JAZF1: variants seen among roughly 807,000 people sequenced by gnomAD.
JAZF1 encodes the protein JAZF zinc finger 1.
Under a neutral mutation model 26.4 loss-of-function variants are expected in JAZF1, and 8 were observed. The observed-to-expected ratio is 0.30, with a 90% CI of 0.18 to 0.55. JAZF1 has a LOEUF of 0.55. Among genes scored for constraint, JAZF1 ranks in the 20% least tolerant of loss-of-function variants. The pLI is 0.94. For synonymous variants in JAZF1, 126 were observed against 122.3 expected, an observed-to-expected ratio of 1.03 and a Z score of -0.20; for missense variants, 199 against 322.0, an observed-to-expected ratio of 0.62 and a Z score of 2.92.
chr7:28,063,236 A>G (rs1207322820), intron 1 of JAZF1, among the ~76,000 whole-genome samples: 1 of 152,254 alleles, frequency 6.6e-6, no homozygotes, highest in Non-Finnish European at 1.5e-5. Context: ...AAAACATTTT[A>G]ACAAGAATTT....
intron 1 of JAZF1, among the ~76,000 whole-genome samples, chr7:27,999,748 C>T (rs1276363582): frequency 6.6e-6 from 1 of 152,126 alleles, no homozygotes; most frequent in Non-Finnish European, 1.5e-5. Flanking sequence ...ATGATGAATA[C>T]ATGAATGAAT....
chr7:27,978,924 G>C (rs1423263270), intron 2 of JAZF1, among the ~76,000 whole-genome samples: 1 of 151,266 alleles, frequency 6.6e-6, no homozygotes, highest in Non-Finnish European at 1.5e-5. Context: ...GGGAGAGGGG[G>C]AGAGAGAGAG....
At chr7:27,964,731 C>T (rs1310015549) in intron 2 of JAZF1, among the ~76,000 whole-genome samples, 2 of 150,972 alleles carry the variant, frequency 1.3e-5, no homozygotes, top group Non-Finnish European at 2.9e-5. Context: ...GAAAAAAGAA[C>T]CAACATATTT....
intron 3 of JAZF1, among the ~76,000 whole-genome samples, chr7:27,888,416 A>AT (rs1298210552): frequency 1.3e-5 from 2 of 151,580 alleles, no homozygotes; most frequent in Admixed American, 6.6e-5. Flanking sequence ...TCTGTCTGGG[A>AT]TTTTTTGTCC....
In JAZF1 at chr7:27,987,306, G is replaced by A. The variant is rs562200270; in HGVS notation, c.188+4603C>T. 2.3e-3 allele frequency among the ~76,000 whole-genome samples: 318 copies of A among 137,372 alleles called. 2 individuals carry two copies. The highest frequency in any genetic ancestry group is 8.0e-3 in the African/African-American group (288 of 35,808). The allele number at this position is 137,372 out of a possible 152,430, so 90.1% of individuals were successfully genotyped here. On this transcript the variant is annotated intron_variant, in intron 2 of 4. Coordinates refer to ENST00000283928, the MANE Select transcript of JAZF1 (RefSeq NM_175061.4). ...GTGAGGAGTGCCTCTGCCCGGCTGCGACCCCGTCTGGGATCTGAGGAGTGT... is the reference window on the plus strand; with the variant it reads ...GTGAGGAGTGCCTCTGCCCGGCTGCAACCCCGTCTGGGATCTGAGGAGTGT...
intron 1 of JAZF1, among the ~76,000 whole-genome samples, chr7:28,066,273 G>A (rs1441117532): frequency 6.6e-6 from 1 of 152,088 alleles, no homozygotes; most frequent in Non-Finnish European, 1.5e-5. Context: ...AAAGGCTCCG[G>A]TACAGGCCAG....
intron 2 of JAZF1, among the ~76,000 whole-genome samples, chr7:27,957,732 T>C (rs550079567): frequency 2.6e-5 from 4 of 152,326 alleles, no homozygotes; most frequent in Non-Finnish European, 4.4e-5. Context: ...TTCTGAGGAT[T>C]TAATGACTTC....
intron 1 of JAZF1, among the ~76,000 whole-genome samples, chr7:28,125,772 T>A (rs188766520): frequency 6.6e-6 from 1 of 152,198 alleles, no homozygotes; most frequent in East Asian, 1.9e-4. Context: ...CCACCCTCAC[T>A]CAGTGCAAGC....
Position 27,831,625 on chromosome 7 carries a change from G to A in JAZF1, c.*1175C>T, listed in dbSNP as rs1583419738. Reference sequence around the variant, plus strand: ...GCTCATTTTCCTATTTCAGCAAAGTGTTTGTTTTATAAAGCTAAACAGACA... The same window carrying A: ...GCTCATTTTCCTATTTCAGCAAAGTATTTGTTTTATAAAGCTAAACAGACA... On this transcript the variant is annotated 3_prime_UTR_variant, in exon 5 of 5. Transcript: ENST00000283928. The A allele has an allele frequency of 7.5e-5, 17 of 225,674 alleles. No individual in the cohort carries two copies. The East Asian group carries it at 1.1e-3, about 14-fold the overall frequency. 14.0% of individuals were successfully genotyped at this position (225,674 alleles called of 1,614,324 possible).
intron 2 of JAZF1, among the ~76,000 whole-genome samples, chr7:27,926,533 T>G (rs185807455): frequency 2.6e-5 from 4 of 152,330 alleles, no homozygotes; most frequent in Admixed American, 2.6e-4. Flanking sequence ...GCTCTACTAA[T>G]TGGAAAAAGT....
chr7:28,119,595 C>T (rs138949534), intron 1 of JAZF1, among the ~76,000 whole-genome samples: 1 of 152,272 alleles, frequency 6.6e-6, no homozygotes, highest in Non-Finnish European at 1.5e-5. Flanking sequence ...TCTTAATTTG[C>T]TTCTTTATTC....
At chr7:28,164,162 T>C (rs1016879106) in intron 1 of JAZF1, among the ~76,000 whole-genome samples, 2 of 152,240 alleles carry the variant, frequency 1.3e-5, no homozygotes, top group African/African-American at 4.8e-5. Context: ...GCAGATTAGC[T>C]GACCAGCAGC....
At chr7:27,914,699 C>G (rs557393655) in intron 2 of JAZF1, 203 of 470,976 alleles carry the variant, frequency 4.3e-4, no homozygotes, top group Non-Finnish European at 5.3e-4. Flanking sequence ...ATAGATATAG[C>G]ACTTCTTCAG....
intron 1 of JAZF1, among the ~76,000 whole-genome samples, chr7:27,992,701 T>C (rs921697722): frequency 1.3e-5 from 2 of 152,212 alleles, no homozygotes; most frequent in Non-Finnish European, 2.9e-5. Context: ...GAAATGACTG[T>C]ATAAATATAT....
At chr7:28,147,094 C>A (rs1009497342) in intron 1 of JAZF1, among the ~76,000 whole-genome samples, 2 of 151,986 alleles carry the variant, frequency 1.3e-5, no homozygotes, top group African/African-American at 4.8e-5. Context: ...TGACCTCACA[C>A]CTCGGCCTCC....
At chr7:27,996,836 C>T (rs1356186074) in intron 1 of JAZF1, among the ~76,000 whole-genome samples, 2 of 152,198 alleles carry the variant, frequency 1.3e-5, no homozygotes, top group Non-Finnish European at 2.9e-5. Context: ...CAGCTCAGTG[C>T]CCTGCATGTA....
chr7:27,845,706 A>AG (rs1214336494), intron 3 of JAZF1, among the ~76,000 whole-genome samples: 1 of 142,920 alleles, frequency 7.0e-6, no homozygotes, highest in African/African-American at 2.6e-5. Context: ...CAAAAAAAAA[A>AG]AAAAAAAAGA....
intron 2 of JAZF1, among the ~76,000 whole-genome samples, chr7:27,989,042 T>C (rs1325999036): frequency 1.3e-5 from 2 of 149,726 alleles, no homozygotes; most frequent in Admixed American, 1.3e-4. Context: ...CAAACTATAC[T>C]ACAAGGCTAC....
intron 1 of JAZF1, among the ~76,000 whole-genome samples, chr7:28,151,797 A>C (rs574227865): frequency 6.6e-6 from 1 of 152,280 alleles, no homozygotes; most frequent in African/African-American, 2.4e-5. Flanking sequence ...ATCTCAAAAA[A>C]AAAACACAGA....
Sources: gnomAD v4.1 joint callset for allele counts (sites outside exome capture counted in the v4.1 genomes callset) on GRCh38, gnomAD v4.1.1 for gene constraint, MANE v1.5 for transcripts, NCBI Gene and HGNC (gene_info 2026-07-23, HGNC 2026-07-21) for gene names.